AK8: variants seen among roughly 807,000 people sequenced by gnomAD.
AK8 encodes the protein ATP-AMP transphosphorylase 8.
In AK8, 44 loss-of-function variants were observed where a neutral mutation model predicts 54.6. The observed-to-expected ratio is 0.81, with a 90% CI of 0.63 to 1.04. The LOEUF (loss-of-function observed/expected upper bound fraction) is 1.04. Among genes scored for constraint, AK8 ranks in the 50% least tolerant of loss-of-function variants. The pLI is 0.00. For synonymous variants in AK8, 239 were observed against 245.6 expected (o/e 0.97, Z 0.25); for missense variants, 555 against 613.6 (o/e 0.90, Z 1.01).
At chr9:132,815,984 A>G (rs1841309995) in intron 9 of AK8, among the ~76,000 whole-genome samples, 1 of 152,196 alleles carries the variant, frequency 6.6e-6, no homozygotes, top group Non-Finnish European at 1.5e-5. Context: ...TCACTATGTA[A>G]ATGACAGCAG....
At chr9:132,856,515 C>T (rs574948614) in intron 4 of AK8, among the ~76,000 whole-genome samples, 1 of 152,290 alleles carries the variant, frequency 6.6e-6, no homozygotes, top group South Asian at 2.1e-4. Flanking sequence ...CCCTCCTGCC[C>T]TTCTGCCTGT....
chr9:132,802,157 T>A (rs372547239), intron 10 of AK8, among the ~76,000 whole-genome samples: 1 of 152,232 alleles, frequency 6.6e-6, no homozygotes, highest in Non-Finnish European at 1.5e-5. Flanking sequence ...CGATGTCGCC[T>A]GGGGATCCAG....
intron 5 of AK8, 131 bp downstream of exon 5, chr9:132,854,723 CCTT>C (rs1417504000): frequency 1.1e-6 from 1 of 889,128 alleles, no homozygotes; most frequent in East Asian, 2.6e-5. Context: ...TGTAGACTGA[CCTT>C]CACGGAGTTC....
Position 132,854,856 on chromosome 9 carries a change from C to T in AK8, c.402+1G>A. 6.2e-7 allele frequency: 1 copy of T among 1,614,102 alleles called. No homozygotes were observed. Among genetic ancestry groups the T allele is most frequent in the South Asian group, 1.1e-5 (1 of 91,078 alleles). Reference sequence around the variant, plus strand: ...AAACCCCTAGCTCACTGGAGTCTTACCTGCTTGATGCAATCCTCTTCAGCC... The same window carrying T: ...AAACCCCTAGCTCACTGGAGTCTTATCTGCTTGATGCAATCCTCTTCAGCC... On this transcript the variant is annotated splice_donor_variant, in intron 5 of 12. Transcript: ENST00000298545. LOFTEE classifies it high-confidence loss of function.
chr9:132,832,679 AC>A (rs1324466921), intron 5 of AK8, among the ~76,000 whole-genome samples: 4 of 152,054 alleles, frequency 2.6e-5, no homozygotes, highest in African/African-American at 9.7e-5. Context: ...TTATAATCTC[AC>A]CCATAAATTT....
intron 11 of AK8, among the ~76,000 whole-genome samples, chr9:132,749,692 C>G (rs1269303602): frequency 2.0e-5 from 3 of 150,630 alleles, no homozygotes; most frequent in East Asian, 4.1e-4. Context: ...TTAAGTGCTT[C>G]ATTTACTCTG....
chr9:132,837,494 C>T lies in AK8; in HGVS notation c.403-8768G>A, dbSNP rs1842373695. Among the ~76,000 whole-genome samples the T allele has an allele frequency of 6.6e-6, 1 of 152,032 alleles. No homozygotes were observed. Among genetic ancestry groups the T allele is most frequent in the Admixed American group, 6.6e-5 (1 of 15,248 alleles). On this transcript the variant is annotated intron_variant, in intron 5 of 12. Transcript: ENST00000298545. The surrounding 1 kb of genome is among the most constrained non-coding windows in gnomAD (Gnocchi z 4.3). ...GTACTTCTGGGTCCAGTCCCGTTCC[C>T]ATCATCTCCGTGCCTCTCAATACTC...
At chr9:132,804,062 C>T (rs904851399) in intron 10 of AK8, among the ~76,000 whole-genome samples, 8 of 148,538 alleles carry the variant, frequency 5.4e-5, no homozygotes, top group Admixed American at 2.0e-4. Flanking sequence ...GCCGAGATCG[C>T]GCCACTGCGA....
intron 5 of AK8, among the ~76,000 whole-genome samples, chr9:132,847,317 G>A (rs1293909271): frequency 2.0e-5 from 3 of 152,316 alleles, no homozygotes; most frequent in East Asian, 3.9e-4. Context: ...AGACCGTGGC[G>A]CCATCTCCAC....
chr9:132,878,547 A>G, upstream of AK8: 5 of 1,164,478 alleles, frequency 4.3e-6, no homozygotes, highest in Non-Finnish European at 5.3e-6. This position sits in a 1 kb window ranked among gnomAD's most constrained non-coding sequence, Gnocchi z 4.7. Context: ...CCCCCGACGA[A>G]ACCCAGAAGG....
intron 5 of AK8, among the ~76,000 whole-genome samples, chr9:132,833,905 T>C (rs1842211692): frequency 6.6e-6 from 1 of 152,246 alleles, no homozygotes. Context: ...TCTGGGCCTC[T>C]GCCTTTTTGA....
chr9:132,756,440 C>T (rs537823605), intron 11 of AK8, among the ~76,000 whole-genome samples: 3 of 152,310 alleles, frequency 2.0e-5, no homozygotes, highest in African/African-American at 4.8e-5. Flanking sequence ...CTGCAACCTG[C>T]GAAGCAGTTT....
chr9:132,826,395 A>T lies in AK8; in HGVS notation c.757+459T>A, dbSNP rs558237325. 7.2e-5 allele frequency among the ~76,000 whole-genome samples: 11 copies of T among 152,310 alleles called. No homozygotes were observed. The highest frequency in any genetic ancestry group is 3.4e-3 in the Middle Eastern group (1 of 292). ...CGCAGTGCCAGGCGCGGGGCCATGT[A>T]TCTCCATCCTAAATGAAGCATACCA... On this transcript the variant is annotated intron_variant, in intron 8 of 12. Coordinates refer to ENST00000298545, the MANE Select transcript of AK8 (RefSeq NM_152572.3). The surrounding 1 kb of genome is among the most constrained non-coding windows in gnomAD (Gnocchi z 4.5).
chr9:132,736,186 CT>C lies in AK8; in HGVS notation c.1122-8653del, dbSNP rs34977784. Among the ~76,000 whole-genome samples, 587 of 135,308 alleles carry C rather than the reference CT, an allele frequency of 4.3e-3. 3 individuals are homozygous for C. In the Middle Eastern group the frequency reaches 0.057, roughly 13 times the overall value. The allele number at this position is 135,308 out of a possible 152,430, so 88.8% of individuals were successfully genotyped here. A position where few individuals can be genotyped will look rare whatever the true frequency, so the allele number is the denominator to read the frequency against. On this transcript the variant is annotated intron_variant, in intron 11 of 12. Coordinates refer to ENST00000298545, the MANE Select transcript of AK8 (RefSeq NM_152572.3). Reference sequence around the variant, plus strand: ...TACATACGATGAAATACTATTCAGTCTTTTTTTTTTTTTTTTTGAGACGAAG... The same window carrying C: ...TACATACGATGAAATACTATTCAGTCTTTTTTTTTTTTTTTTGAGACGAAG...
intron 11 of AK8, among the ~76,000 whole-genome samples, chr9:132,772,623 C>T (rs1839032804): frequency 6.6e-6 from 1 of 152,172 alleles, no homozygotes; most frequent in African/African-American, 2.4e-5. Context: ...GTGGCAGCCC[C>T]AGCAAACCAG....
chr9:132,730,968 C>A (rs930461619), intron 11 of AK8, among the ~76,000 whole-genome samples: 3 of 152,206 alleles, frequency 2.0e-5, no homozygotes, highest in Admixed American at 6.5e-5. Context: ...CCTTTTCATT[C>A]TCCTGATTCC....
chr9:132,734,986 G>A (rs1305794110), intron 11 of AK8, among the ~76,000 whole-genome samples: 5 of 151,678 alleles, frequency 3.3e-5, no homozygotes, highest in East Asian at 1.9e-4. Flanking sequence ...AGTGGAGATC[G>A]CGCCACTGCA....
upstream of AK8, chr9:132,878,595 T>A: frequency 9.1e-7 from 1 of 1,093,726 alleles, no homozygotes; most frequent in East Asian, 5.4e-5. The surrounding 1 kb of genome is among the most constrained non-coding windows in gnomAD (Gnocchi z 4.7). Context: ...AGGCAGAACC[T>A]GCTTCTGGTT....
Position 132,827,280 on chromosome 9 carries a change from G to A in AK8, c.557-226C>T, listed in dbSNP as rs925931421. The A allele has an allele frequency of 1.3e-5, 8 of 599,656 alleles. No homozygotes were observed. In the African/African-American group the frequency reaches 1.5e-4, roughly 11 times the overall value. 37.1% of individuals were successfully genotyped at this position (599,656 alleles called of 1,614,324 possible). A position where few individuals can be genotyped will look rare whatever the true frequency, so the allele number is the denominator to read the frequency against. ...ATACAAGAACAGGACCCAGGGCAAG[G>A]GCTGCCGTGAACTTCTGAGCACTTA... On this transcript the variant is annotated intron_variant, in intron 7 of 12. Transcript: ENST00000298545.
Sources: gnomAD v4.1 joint callset for allele counts (sites outside exome capture counted in the v4.1 genomes callset) on GRCh38, gnomAD v4.1.1 for gene constraint, Gnocchi (gnomAD v3.1) non-coding constraint, MANE v1.5 for transcripts, NCBI Gene and HGNC (gene_info 2026-07-23, HGNC 2026-07-21) for gene names.